The following DUOX2 variants were observed in gnomAD, a reference collection of about 807,000 sequenced individuals.
DUOX2 encodes the protein NADH/NADPH thyroid oxidase p138-tox.
DUOX2 carries 185 observed loss-of-function variants against 183.3 expected under a neutral mutation model. That is an observed-to-expected ratio of 1.01 (90% CI 0.90 to 1.14). The LOEUF (loss-of-function observed/expected upper bound fraction) is 1.14. Among genes scored for constraint, DUOX2 ranks in the 50% most tolerant of loss-of-function variants. DUOX2 has a pLI of 0.00. For missense variants in DUOX2, 1,999 were observed against 2,022.9 expected (o/e 0.99, Z 0.23); for synonymous variants, 788 against 812.4 (o/e 0.97, Z 0.51).
chr15:45,106,723 C>T (rs867878495), intron 15 of DUOX2, 82 bp from the exon 16 acceptor site: 1 of 1,610,314 alleles, frequency 6.2e-7, no homozygotes, highest in Non-Finnish European at 8.5e-7. Context: ...CCCCTCCCTT[C>T]CAGAGGTTCC....
chr15:45,107,371 T>C lies in DUOX2; in HGVS notation c.1667A>G (p.Gln556Arg), dbSNP rs1410374843. The stretch of plus-strand genomic sequence containing the variant: ...TTTATGCCAGACAAAGACATTGGGC[T>C]GCAGGGCACTGGGGTCAATGTTGAT... ...AVINIDPSAL[Q>R]PNVFVWHKGA... The change falls in exon 14 of 34, where the codon CAG (glutamine) becomes CGG (arginine). Residue 556 changes from glutamine to arginine, a missense_variant. Around this residue, in one of 3 missense-constraint regions of DUOX2, gnomAD observed 1,628 missense variants for 1,608.6 expected, o/e 1.01. Coordinates refer to ENST00000389039, the MANE Select transcript of DUOX2 (RefSeq NM_001363711.2). 6.2e-7 allele frequency: 1 copy of C among 1,614,268 alleles called. No homozygotes were observed. The highest frequency in any genetic ancestry group is 1.1e-5 in the South Asian group (1 of 91,090).
intron 27 of DUOX2, 108 bp from the exon 28 acceptor site, chr15:45,097,849 G>A (rs967622487): frequency 2.2e-5 from 35 of 1,593,592 alleles, no homozygotes; most frequent in Non-Finnish European, 2.8e-5. Flanking sequence ...TCATCCCTCC[G>A]GGGCCCCCAG....
At chr15:45,104,431 A>G in intron 18 of DUOX2, 66 bp from the exon 19 acceptor site, 1 of 1,567,864 alleles carries the variant, frequency 6.4e-7, no homozygotes, top group Non-Finnish European at 8.7e-7. Context: ...GAAGCAGTTC[A>G]GTGACCCTTC....
chr15:45,104,443 T>C (rs1404907497), intron 18 of DUOX2, 78 bp from the exon 19 acceptor site: 30 of 1,545,504 alleles, frequency 1.9e-5, no homozygotes, highest in Non-Finnish European at 2.6e-5. Context: ...TGACCCTTCA[T>C]ATCTCCCCAA....
intron 33 of DUOX2, 21 bp downstream of exon 33, chr15:45,094,542 G>A: frequency 2.5e-6 from 4 of 1,607,770 alleles, no homozygotes; most frequent in Non-Finnish European, 3.4e-6. Context: ...GAGTCCCAGG[G>A]TGGGAGGGAG....
intron 3 of DUOX2, 100 bp from the exon 4 acceptor site, chr15:45,112,818 A>G: frequency 1.9e-6 from 3 of 1,580,650 alleles, no homozygotes; most frequent in South Asian, 2.2e-5. Flanking sequence ...CACTTCACTG[A>G]CAGAACCTTC....
chr15:45,093,872 C>G lies in DUOX2; in HGVS notation c.*278G>C, dbSNP rs1029721858. On this transcript the variant is annotated 3_prime_UTR_variant, in exon 34 of 34. Transcript: ENST00000389039. ...GAGATCCTGACTGGTTGCGCACTTG[C>G]TAAGGGCAGGAAGTCTGGAGGGCTG... 5.0e-5 allele frequency: 22 copies of G among 443,394 alleles called. No homozygotes were observed. The highest frequency in any genetic ancestry group is 4.4e-4 in the African/African-American group (22 of 50,068). 27.5% of individuals were successfully genotyped at this position (443,394 alleles called of 1,614,324 possible). A position where few individuals can be genotyped will look rare whatever the true frequency, so the allele number is the denominator to read the frequency against.
intron 16 of DUOX2, 32 bp from the exon 17 acceptor site, chr15:45,106,359 A>G: frequency 6.2e-7 from 1 of 1,612,462 alleles, no homozygotes; most frequent in Non-Finnish European, 8.5e-7. Flanking sequence ...CGGGTAGTTC[A>G]GCAGATGTCC....
chr15:45,108,415 A>ACGGTAATAC, intron 12 of DUOX2, 193 bp from the exon 13 acceptor site: 1 of 652,264 alleles, frequency 1.5e-6, no homozygotes, highest in East Asian at 2.8e-5. Flanking sequence ...CCACGGTAAC[A>ACGGTAATAC]CCACGGTCAG....
At chr15:45,100,374 T>G (rs1433981360) in intron 23 of DUOX2, 146 bp from the exon 24 acceptor site, 1 of 713,766 alleles carries the variant, frequency 1.4e-6, no homozygotes, top group Non-Finnish European at 2.3e-6. Flanking sequence ...TGGGGGCTTC[T>G]TCCTCCTCCA....
rs113852603 is a variant in DUOX2 at position 45,106,866 on chromosome 15, G to A, written c.1797C>T (p.Ala599=). 21 of 1,590,330 alleles carry A rather than the reference G, an allele frequency of 1.3e-5. No homozygotes were observed. In the African/African-American group the frequency reaches 2.4e-4, roughly 18 times the overall value. The change falls in exon 15 of 34, where the codon GCC becomes GCT. Residue 599 remains alanine, a synonymous_variant. Transcript: ENST00000389039. The stretch of plus-strand genomic sequence containing the variant: ...GGCAGCAGAGAGCAATGATGGTGAT[G>A]GCAAAACCAGGGCTGCTGCCTTCAA... The part of the protein sequence containing the change: ...DFFEGSSPGF[A]ITIIALCCLP...
At chr15:45,108,490 G>T (rs980309797) in intron 12 of DUOX2, 24 of 597,954 alleles carry the variant, frequency 4.0e-5, no homozygotes, top group Non-Finnish European at 6.5e-5. Context: ...AGCAGCTTCA[G>T]GGGCACACAG....
chr15:45,112,767 A>AT (rs1295773024), intron 3 of DUOX2, 49 bp from the exon 4 acceptor site: 1 of 1,606,658 alleles, frequency 6.2e-7, no homozygotes, highest in African/African-American at 1.3e-5. Flanking sequence ...ATCCCCTAGG[A>AT]TCCCCCAAAC....
chr15:45,105,968 AGGGGGTCAGGTTGTGTCTGG>A (rs1894201797), intron 17 of DUOX2, 137 bp downstream of exon 17: 1 of 1,377,380 alleles, frequency 7.3e-7, no homozygotes, highest in Non-Finnish European at 1.0e-6. Context: ...GTGTGGACGA[AGGGGGTCAGGTTGTGTCTGG>A]GGGCCTCTGA....
chr15:45,095,965 A>G lies in DUOX2; in HGVS notation c.3943T>C (p.Tyr1315His), dbSNP rs1893890354. 5 of 1,613,276 alleles carry G rather than the reference A, an allele frequency of 3.1e-6. No homozygotes were observed. In the Admixed American group the frequency reaches 8.3e-5, roughly 27 times the overall value. Residue 1315 changes from tyrosine (Y) to histidine (H), a missense_variant, in exon 30 of 34, where the codon TAC (tyrosine) becomes CAC (histidine). Coordinates refer to ENST00000389039, the MANE Select transcript of DUOX2 (RefSeq NM_001363711.2). ...GCGGAGGTCAGTGTGAAGGGGTGGT[A>G]CTCGGTGGTCCCCAGAGCCAGGCAG... ...IACLALGTTE[Y>H]HPFTLTSAPH...
At position 45,095,137 on chromosome 15, in the gene DUOX2, C is replaced by T. The variant is rs748586625; in HGVS notation, c.4240-46G>A. 12 of 1,591,920 alleles carry T rather than the reference C, an allele frequency of 7.5e-6. No homozygotes were observed. In the Admixed American group the frequency reaches 1.4e-4, roughly 18 times the overall value. On this transcript the variant is annotated intron_variant, in intron 31 of 33. Coordinates refer to ENST00000389039, the MANE Select transcript of DUOX2 (RefSeq NM_001363711.2). ...ATCAGGACCCAGCTCAGTTCAGCCT[C>T]CCTAGATCCCAGGTGCCTTCACCTG...
At chr15:45,101,140 A>T in intron 22 of DUOX2, 65 bp downstream of exon 22, 1 of 1,439,936 alleles carries the variant, frequency 6.9e-7, no homozygotes, top group Non-Finnish European at 9.7e-7. Flanking sequence ...AGCCAGTCCT[A>T]CTCCCTTCAT....
Position 45,095,484 on chromosome 15 carries a change from C to T in DUOX2, c.4192G>A (p.Asp1398Asn). The change falls in exon 31 of 34, where the codon GAC becomes AAC. Residue 1398 changes from aspartate (D) to asparagine (N), a missense_variant. Transcript: ENST00000389039. Reference sequence around the variant, plus strand: ...CCCAAGGATGACTTGAAGACCAGGTCTTTGAGGATGGAGGCAAAGGGGGTG... The same window carrying T: ...CCCAAGGATGACTTGAAGACCAGGTTTTTGAGGATGGAGGCAAAGGGGGTG... ...GVTPFASILK[D>N]LVFKSSLGSQ... 1.9e-6 allele frequency: 3 copies of T among 1,614,246 alleles called. No individual in the cohort carries two copies. The highest frequency in any genetic ancestry group is 1.7e-5 in the Admixed American group (1 of 60,036).
Position 45,101,941 on chromosome 15 carries a change from G to C in DUOX2, c.2703C>G (p.Ala901=), listed in dbSNP as rs149413147. ...SNNCLSKAQL[A]EVVESMFRES... The stretch of plus-strand genomic sequence containing the variant: ...CCCGGAACATAGACTCCACCACCTC[G>C]GCCAGCTGGGCCTTGGACAGGCAGT... Residue 901 remains alanine (A), a synonymous_variant, in exon 21 of 34, where the codon GCC becomes GCG. Transcript: ENST00000389039. The C allele has an allele frequency of 6.8e-5, 109 of 1,614,176 alleles. 4 individuals carry two copies. The South Asian group carries it at 1.2e-3, about 18-fold the overall frequency.
Sources: allele counts gnomAD v4.1 joint callset, GRCh38; gene constraint gnomAD v4.1.1; regional missense constraint gnomAD v4.1.1; transcripts MANE v1.5; gene names NCBI Gene and HGNC (gene_info 2026-07-23, HGNC 2026-07-21).